The following PTK2 variants were observed in gnomAD, a reference collection of about 807,000 sequenced individuals.
PTK2 encodes focal adhesion kinase 1.
In PTK2, 45 loss-of-function variants were observed where a neutral mutation model predicts 150.1. That is an observed-to-expected ratio of 0.30 (90% CI 0.24 to 0.38). The LOEUF (loss-of-function observed/expected upper bound fraction) is 0.38, where lower values mean the gene tolerates loss of function less well. PTK2 is among the 10% of genes least tolerant of loss of function. The pLI is 1.00. For missense variants in PTK2, 919 were observed against 1,307.3 expected, an observed-to-expected ratio of 0.70 and a Z score of 4.58; for synonymous variants, 432 against 449.2, an observed-to-expected ratio of 0.96 and a Z score of 0.48.
chr8:140,917,897 A>C (rs780290750), intron 2 of PTK2, among the ~76,000 whole-genome samples: 9 of 152,222 alleles, frequency 5.9e-5, no homozygotes, highest in African/African-American at 9.6e-5. Context: ...ACTGACAGGA[A>C]TGAGAGCACT....
rs1370930936 is a variant in PTK2 at position 140,748,543 on chromosome 8, T to C, written c.1418-1683A>G. ...GTTTCCAGGACAGCCGTGAGGACTT[T>C]CACATGAGAGAAATGCCAGCTGCTG... On this transcript the variant is annotated intron_variant, in intron 17 of 31. Coordinates refer to ENST00000522684, the Ensembl canonical transcript of PTK2. 4.6e-5 allele frequency among the ~76,000 whole-genome samples: 7 copies of C among 151,752 alleles called. No individual in the cohort carries two copies. In the East Asian group the frequency reaches 9.7e-4, roughly 21 times the overall value.
intron 5 of PTK2, among the ~76,000 whole-genome samples, chr8:140,856,586 G>C (rs1261600543): frequency 6.6e-6 from 1 of 152,120 alleles, no homozygotes; most frequent in Non-Finnish European, 1.5e-5. Context: ...AACTACGGTG[G>C]GAAAAACACA....
chr8:140,960,505 G>C (rs189538754), intron 1 of PTK2, among the ~76,000 whole-genome samples: 2 of 151,932 alleles, frequency 1.3e-5, no homozygotes, highest in Admixed American at 6.6e-5. Flanking sequence ...ACCGCGGCTG[G>C]CCCATTTTAA....
chr8:140,955,989 C>A (rs2100181064), intron 1 of PTK2, among the ~76,000 whole-genome samples: 1 of 152,178 alleles, frequency 6.6e-6, no homozygotes, highest in African/African-American at 2.4e-5. Context: ...ACAGAAGTCA[C>A]CCTGCCCAAC....
At chr8:140,686,730 T>G (rs1169548402) in intron 26 of PTK2, 36 bp from the exon 30 acceptor site, 1 of 1,574,566 alleles carries the variant, frequency 6.4e-7, no homozygotes, top group East Asian at 2.3e-5. Context: ...ACAATTTCAT[T>G]TTTGATTTGA....
intron 2 of PTK2, among the ~76,000 whole-genome samples, chr8:140,902,924 G>GTTTTTTTTTTTTTTTTTTTTTTTTTT (rs61261890): frequency 1.7e-5 from 1 of 58,950 alleles, no homozygotes; most frequent in South Asian, 5.7e-4. Flanking sequence ...GATGAGAGTT[G>GTTTTTTTTTTTTTTTTTTTTTTTTTT]TTTTTTTTTT....
At chr8:140,689,338 C>A (rs1353697779) in intron 26 of PTK2, among the ~76,000 whole-genome samples, 1 of 152,156 alleles carries the variant, frequency 6.6e-6, no homozygotes, top group East Asian at 1.9e-4. Flanking sequence ...AGACGAGACT[C>A]CAGGTTGACA....
At chr8:140,814,726 A>G (rs2100103607) in intron 10 of PTK2, among the ~76,000 whole-genome samples, 1 of 152,142 alleles carries the variant, frequency 6.6e-6, no homozygotes, top group African/African-American at 2.4e-5. Context: ...AGTACCATAC[A>G]ACCCAGCAAT....
intron 1 of PTK2, among the ~76,000 whole-genome samples, chr8:140,944,070 T>C (rs1261677857): frequency 2.0e-5 from 3 of 152,174 alleles, no homozygotes; most frequent in Non-Finnish European, 2.9e-5. Flanking sequence ...CACAACACTA[T>C]GATATGCAAA....
chr8:140,741,321 G>A lies in PTK2; in HGVS notation c.1735+1909C>T, dbSNP rs555268688. Among the ~76,000 whole-genome samples the A allele has an allele frequency of 2.0e-5, 3 of 151,776 alleles. No homozygotes were observed. In the East Asian group the frequency reaches 5.8e-4, roughly 30 times the overall value. ...ATACAAAAAATTAGCCGGGCGTGGT[G>A]GTGGGCACCTGTAGTCCCAGCTACT... On this transcript the variant is annotated intron_variant, in intron 20 of 31. Transcript: ENST00000522684.
chr8:140,920,698 T>G (rs2100167063), intron 2 of PTK2: 5 of 1,052,842 alleles, frequency 4.7e-6, no homozygotes, highest in Non-Finnish European at 6.4e-6. Context: ...ATTTCCATTT[T>G]TCCTTAAATT....
chr8:140,792,997 C>T (rs1046961596), intron 13 of PTK2, among the ~76,000 whole-genome samples: 2 of 152,132 alleles, frequency 1.3e-5, no homozygotes, highest in African/African-American at 4.8e-5. Context: ...AGAAAATTAA[C>T]ATAAATTATT....
At chr8:140,964,153 A>C (rs1271314307) in intron 1 of PTK2, among the ~76,000 whole-genome samples, 1 of 151,196 alleles carries the variant, frequency 6.6e-6, no homozygotes, top group Admixed American at 6.6e-5. Flanking sequence ...CTCCCACCTA[A>C]GACTGATGTG....
In PTK2 at chr8:140,686,686, A is replaced by C. The variant is rs377689571; in HGVS notation, c.2508T>G (p.Asp836Glu). 44 of 1,613,464 alleles carry C rather than the reference A, an allele frequency of 2.7e-5. No homozygotes were observed. The highest frequency in any genetic ancestry group is 3.6e-5 in the Non-Finnish European group (42 of 1,179,580). ...CAATACTGCCTCGAGAGAGTCTCAC[A>C]TCAGGTTTCTGAAGAAATTAAAACA... The change falls in exon 27 of 32, where the codon GAT becomes GAG. Residue 836 changes from aspartate to glutamate, a missense_variant. Coordinates refer to ENST00000522684, the Ensembl canonical transcript of PTK2.
intron 27 of PTK2, among the ~76,000 whole-genome samples, chr8:140,680,379 T>C (rs1283219749): frequency 2.0e-5 from 3 of 152,070 alleles, no homozygotes; most frequent in Admixed American, 1.3e-4. Context: ...AGGTACCCGC[T>C]ACCACGCCCG....
At chr8:140,926,851 T>C (rs142374753) in intron 1 of PTK2, among the ~76,000 whole-genome samples, 2 of 152,342 alleles carry the variant, frequency 1.3e-5, no homozygotes, top group African/African-American at 4.8e-5. Flanking sequence ...TATTTCATTA[T>C]CTAAAAAGGC....
At chr8:140,839,031 TAAGTAA>T (rs947154623) in intron 7 of PTK2, among the ~76,000 whole-genome samples, 24 of 150,318 alleles carry the variant, frequency 1.6e-4, no homozygotes, top group African/African-American at 5.9e-4. Context: ...AAAAAACTTA[TAAGTAA>T]AAGTAAAAGG....
intron 2 of PTK2, among the ~76,000 whole-genome samples, chr8:140,901,666 TA>T (rs912210769): frequency 1.3e-5 from 2 of 150,962 alleles, no homozygotes; most frequent in Non-Finnish European, 2.9e-5. Context: ...TTTTTTTTTT[TA>T]AATACTTTTA....
In PTK2 at chr8:140,659,256, A is replaced by G. The variant is rs1265275280; in HGVS notation, c.*210T>C. The G allele has an allele frequency of 1.5e-5, 8 of 543,460 alleles. No homozygotes were observed. The African/African-American group carries it at 1.5e-4, about 10-fold the overall frequency. The allele number at this position is 543,460 out of a possible 1,614,324, so 33.7% of individuals were successfully genotyped here. Reference sequence around the variant, plus strand: ...TTTTGGATCCTGGATTTTTCTGAATATCATGATTGAAAAAAACAAAACAAA... The same window carrying G: ...TTTTGGATCCTGGATTTTTCTGAATGTCATGATTGAAAAAAACAAAACAAA... On this transcript the variant is annotated 3_prime_UTR_variant, in exon 32 of 32. Transcript: ENST00000522684.
Sources: allele counts gnomAD v4.1 joint callset (sites outside exome capture counted in the v4.1 genomes callset), GRCh38; gene constraint gnomAD v4.1.1; transcripts MANE v1.5; gene names NCBI Gene and HGNC (gene_info 2026-07-23, HGNC 2026-07-21).